Variants in UBE2O observed in about 807,000 individuals in gnomAD.
The protein encoded by UBE2O is ubiquitin conjugating enzyme E2 O.
A neutral mutation model predicts 125.8 loss-of-function variants in UBE2O; 15 were observed. The observed-to-expected ratio is 0.12, with a 90% CI of 0.08 to 0.18. The LOEUF is 0.18. Among genes scored for constraint, UBE2O ranks in the 10% least tolerant of loss-of-function variants. UBE2O has a pLI of 1.00. For synonymous variants in UBE2O, 708 were observed against 703.2 expected (o/e 1.01, Z -0.11); for missense variants, 1,280 against 1,723.6 (o/e 0.74, Z 4.56).
At chr17:76,438,841 A>G (rs2073038364) in intron 1 of UBE2O, among the ~76,000 whole-genome samples, 1 of 151,190 alleles carries the variant, frequency 6.6e-6, no homozygotes, top group Non-Finnish European at 1.5e-5. Context: ...GTGAGAAGTC[A>G]GCACCTCTAG....
chr17:76,446,611 C>A (rs1191219333), intron 1 of UBE2O, among the ~76,000 whole-genome samples: 1 of 152,152 alleles, frequency 6.6e-6, no homozygotes, highest in East Asian at 1.9e-4. Flanking sequence ...TGGAACTCAG[C>A]CTCTCCAAGG....
chr17:76,422,631 G>A (rs1047802684), intron 1 of UBE2O, among the ~76,000 whole-genome samples: 5 of 152,212 alleles, frequency 3.3e-5, no homozygotes, highest in African/African-American at 9.7e-5. Flanking sequence ...CCACCACAGG[G>A]AACAGCCATG....
At chr17:76,416,812 C>A (rs938215200) in intron 1 of UBE2O, among the ~76,000 whole-genome samples, 1 of 152,200 alleles carries the variant, frequency 6.6e-6, no homozygotes, top group Non-Finnish European at 1.5e-5. Context: ...ACAACAGCAA[C>A]AAGCAGCTCA....
intron 1 of UBE2O, among the ~76,000 whole-genome samples, chr17:76,440,121 A>G (rs932921284): frequency 1.3e-5 from 2 of 152,154 alleles, no homozygotes; most frequent in Non-Finnish European, 2.9e-5. Flanking sequence ...GCCAGGTGCT[A>G]TGAGGGAAAA....
chr17:76,398,776 C>A lies in UBE2O; in HGVS notation c.1783+61G>T. 6.3e-7 allele frequency: 1 copy of A among 1,586,724 alleles called. No individual in the cohort carries two copies. The highest frequency in any genetic ancestry group is 8.6e-7 in the Non-Finnish European group (1 of 1,165,690). ...AGATCCACTGCCCATTCTCCACAAG[C>A]CCCAACCCGGGCCCTCATTGGCGAC... On this transcript the variant is annotated intron_variant, in intron 10 of 17. Coordinates refer to ENST00000319380, the MANE Select transcript of UBE2O (RefSeq NM_022066.4). The surrounding 1 kb of genome is among the most constrained non-coding windows in gnomAD (Gnocchi z 5.4).
intron 3 of UBE2O, among the ~76,000 whole-genome samples, chr17:76,403,816 T>A (rs1200964652): frequency 6.6e-6 from 1 of 151,884 alleles, no homozygotes; most frequent in Non-Finnish European, 1.5e-5. Context: ...GCCTGGCACA[T>A]CTCATGCCAG....
chr17:76,451,775 G>GC (rs1491247774), intron 1 of UBE2O, among the ~76,000 whole-genome samples: 1 of 145,640 alleles, frequency 6.9e-6, no homozygotes. Flanking sequence ...GTGAGATACA[G>GC]GGGGGTGTGT....
chr17:76,427,713 C>T (rs1458628694), intron 1 of UBE2O, among the ~76,000 whole-genome samples: 1 of 152,260 alleles, frequency 6.6e-6, no homozygotes, highest in South Asian at 2.1e-4. Flanking sequence ...ATGTTATAAA[C>T]ACAGACTTAG....
chr17:76,400,268 G>A lies in UBE2O; in HGVS notation c.1034C>T (p.Ala345Val), dbSNP rs780059889. ...RVKRLGCFDH[A>V]QRQLGERCLY... ...ACAGCGCTCCCCAAGCTGCCGCTGA[G>A]CATGGTCAAAGCATCCGAGACGCTT... The change falls in exon 8 of 18, where the codon GCT becomes GTT. Residue 345 changes from alanine to valine, a missense_variant. Ala to Val is a moderately conservative substitution (Grantham distance 64, BLOSUM62 0). Around this residue, in one of 10 missense-constraint regions of UBE2O, gnomAD observed 206 missense variants for 315.7 expected, o/e 0.65. Transcript: ENST00000319380. The surrounding 1 kb of genome is among the most constrained non-coding windows in gnomAD (Gnocchi z 4.3). 6.2e-7 allele frequency: 1 copy of A among 1,614,024 alleles called. No homozygotes were observed. Among genetic ancestry groups the A allele is most frequent in the South Asian group, 1.1e-5 (1 of 91,086 alleles).
intron 1 of UBE2O, among the ~76,000 whole-genome samples, chr17:76,451,799 T>TGC (rs1030086556): frequency 6.6e-6 from 1 of 151,954 alleles, no homozygotes; most frequent in African/African-American, 2.4e-5. Flanking sequence ...TGTGTGTGTG[T>TGC]GTGTCAATTA....
chr17:76,411,800 C>T (rs930761734), intron 1 of UBE2O, among the ~76,000 whole-genome samples: 2 of 152,148 alleles, frequency 1.3e-5, no homozygotes, highest in African/African-American at 4.8e-5. Flanking sequence ...ATCCTTCTGC[C>T]TCAGCCTCCT....
At chr17:76,415,794 A>AGTGTGTGTGT (rs1567842721) in intron 1 of UBE2O, among the ~76,000 whole-genome samples, 6 of 138,738 alleles carry the variant, frequency 4.3e-5, no homozygotes, top group African/African-American at 1.7e-4. Flanking sequence ...ACAGAGCAAG[A>AGTGTGTGTGT]CTGTGTGTGT....
In UBE2O at chr17:76,396,879, A is replaced by G. The variant is rs73357578; in HGVS notation, c.2116-58T>C. 335 of 1,443,284 alleles carry G rather than the reference A, an allele frequency of 2.3e-4. 2 individuals are homozygous for G. The African/African-American group carries it at 3.9e-3, about 17-fold the overall frequency. 89.4% of individuals were successfully genotyped at this position (1,443,284 alleles called of 1,614,324 possible). On this transcript the variant is annotated intron_variant, in intron 13 of 17. Coordinates refer to ENST00000319380, the MANE Select transcript of UBE2O (RefSeq NM_022066.4). This position sits in a 1 kb window ranked among gnomAD's most constrained non-coding sequence, Gnocchi z 6.7. ...GACAGGAAGTCACCTCCCCACCACTAAGGAGGAGCTCTGGGGATCCCTGAT... is the reference window on the plus strand; with the variant it reads ...GACAGGAAGTCACCTCCCCACCACTGAGGAGGAGCTCTGGGGATCCCTGAT...
intron 1 of UBE2O, among the ~76,000 whole-genome samples, chr17:76,425,975 C>A (rs1222730161): frequency 1.3e-5 from 2 of 152,146 alleles, no homozygotes; most frequent in African/African-American, 2.4e-5. Flanking sequence ...CTCCTCCCCA[C>A]AAGAGGTTCA....
chr17:76,441,765 C>T (rs570676248), intron 1 of UBE2O, among the ~76,000 whole-genome samples: 2 of 152,326 alleles, frequency 1.3e-5, no homozygotes, highest in Non-Finnish European at 1.5e-5. Flanking sequence ...TTTATTCATG[C>T]TCTCTTCACT....
chr17:76,401,002 C>A lies in UBE2O; in HGVS notation c.894+9G>T. ...GGACTCCATCTCCTACCCTTGGGCC[C>A]GGACCCACCTCTTCCACCACCACTC... is the stretch of plus-strand genomic sequence containing the variant. On this transcript the variant is annotated intron_variant, in intron 6 of 17. Transcript: ENST00000319380. 6.2e-7 allele frequency: 1 copy of A among 1,613,530 alleles called. No individual in the cohort carries two copies. Among genetic ancestry groups the A allele is most frequent in the South Asian group, 1.1e-5 (1 of 91,074 alleles).
chr17:76,396,931 A>G lies in UBE2O; in HGVS notation c.2116-110T>C. ...CGCACAGCTGATGGCGACTGGGCTC[A>G]TGAGGCCTTGGCAACCTCATTCCAC... On this transcript the variant is annotated intron_variant, in intron 13 of 17. Coordinates refer to ENST00000319380, the MANE Select transcript of UBE2O (RefSeq NM_022066.4). This position sits in a 1 kb window ranked among gnomAD's most constrained non-coding sequence, Gnocchi z 6.7. The G allele has an allele frequency of 2.0e-6, 2 of 993,302 alleles. No homozygotes were observed. The highest frequency in any genetic ancestry group is 2.9e-6 in the Non-Finnish European group (2 of 687,006). 61.5% of individuals were successfully genotyped at this position (993,302 alleles called of 1,614,324 possible).
At chr17:76,406,653 C>CAGTGCAGA (rs2072423844) in intron 1 of UBE2O, among the ~76,000 whole-genome samples, 1 of 147,550 alleles carries the variant, frequency 6.8e-6, no homozygotes, top group South Asian at 2.1e-4. Context: ...CACCAACCAG[C>CAGTGCAGA]AGTGCAGAGA....
intron 1 of UBE2O, among the ~76,000 whole-genome samples, chr17:76,442,431 C>A (rs1046021499): frequency 3.3e-5 from 5 of 152,144 alleles, no homozygotes; most frequent in African/African-American, 1.2e-4. Context: ...GACCACAGGG[C>A]ATCTGGAAGA....
Sources: gnomAD v4.1 joint callset for allele counts (sites outside exome capture counted in the v4.1 genomes callset) on GRCh38, gnomAD v4.1.1 for gene constraint, gnomAD v4.1.1 regional missense constraint, Gnocchi (gnomAD v3.1) non-coding constraint, MANE v1.5 for transcripts, NCBI Gene and HGNC (gene_info 2026-07-23, HGNC 2026-07-21) for gene names.